Variants in PCNT observed in about 807,000 individuals in gnomAD.
PCNT encodes the protein pericentrin.
Under a neutral mutation model 380.4 loss-of-function variants are expected in PCNT, and 319 were observed. The observed-to-expected ratio is 0.84, with a 90% CI of 0.77 to 0.92. The LOEUF is 0.92. Among genes scored for constraint, PCNT ranks in the 40% least tolerant of loss-of-function variants. The probability of loss-of-function intolerance (pLI) is 0.00; values close to 1 mark genes in which losing one functional copy is unlikely to be tolerated. For synonymous variants in PCNT, 1,845 were observed against 1,735.2 expected (o/e 1.06, Z -1.57); for missense variants, 4,400 against 4,255.3 (o/e 1.03, Z -0.95).
At chr21:46,333,550 G>A (rs1258716563) in intron 2 of PCNT, among the ~76,000 whole-genome samples, 9 of 151,896 alleles carry the variant, frequency 5.9e-5, no homozygotes, top group Non-Finnish European at 1.3e-4. Context: ...AGGTTGCAGT[G>A]AGCCGAGGTC....
intron 39 of PCNT, among the ~76,000 whole-genome samples, 181 bp from the exon 40 acceptor site, chr21:46,436,798 C>T (rs1461456091): frequency 6.6e-6 from 1 of 152,180 alleles, no homozygotes; most frequent in Non-Finnish European, 1.5e-5. Flanking sequence ...CAGAAGCGTC[C>T]AGCCACAGGC....
At chr21:46,419,145 A>C (rs2087145740) in intron 31 of PCNT, among the ~76,000 whole-genome samples, 1 of 152,188 alleles carries the variant, frequency 6.6e-6, no homozygotes, top group African/African-American at 2.4e-5. Context: ...CTTTTTAAAA[A>C]ATCTGTTGGA....
intron 25 of PCNT, among the ~76,000 whole-genome samples, chr21:46,400,467 TCAGACA>T (rs534907820): frequency 1.6e-3 from 245 of 148,996 alleles, no homozygotes; most frequent in African/African-American, 5.7e-3. Flanking sequence ...TAGTTTGGCC[TCAGACA>T]CAGATGAGAG....
chr21:46,332,734 A>G (rs780512141), intron 2 of PCNT, among the ~76,000 whole-genome samples: 5 of 152,192 alleles, frequency 3.3e-5, no homozygotes, highest in Admixed American at 2.0e-4. Context: ...TGACTCATCT[A>G]ATGATCCCGA....
chr21:46,437,768 G>GC (rs1210960300), intron 40 of PCNT, among the ~76,000 whole-genome samples: 1 of 152,200 alleles, frequency 6.6e-6, no homozygotes, highest in Non-Finnish European at 1.5e-5. Flanking sequence ...GGTGCACCCT[G>GC]CCCCCTGTGT....
chr21:46,360,798 G>A (rs1245747193), intron 13 of PCNT, among the ~76,000 whole-genome samples: 2 of 152,122 alleles, frequency 1.3e-5, no homozygotes, highest in Non-Finnish European at 1.5e-5. Context: ...GATTACAGGC[G>A]TGAGCCACCA....
intron 17 of PCNT, 108 bp downstream of exon 17, chr21:46,386,091 T>G: frequency 1.5e-6 from 2 of 1,313,742 alleles, no homozygotes; most frequent in Non-Finnish European, 2.2e-6. Flanking sequence ...GCTGCCACCA[T>G]GCACGCTGGC....
At chr21:46,325,733 C>G (rs1030267167) in intron 1 of PCNT, among the ~76,000 whole-genome samples, 1 of 152,138 alleles carries the variant, frequency 6.6e-6, no homozygotes, top group Non-Finnish European at 1.5e-5. Flanking sequence ...AAGACGTTAG[C>G]GGGAGATGAG....
At chr21:46,333,159 C>CTT (rs2083610980) in intron 2 of PCNT, among the ~76,000 whole-genome samples, 1 of 151,882 alleles carries the variant, frequency 6.6e-6, no homozygotes, top group East Asian at 1.9e-4. Flanking sequence ...CATGGCCGGG[C>CTT]GCAGTGACTC....
At chr21:46,334,340 GAGGCTGC>G in intron 2 of PCNT, 50 bp from the exon 3 acceptor site, 1 of 1,612,704 alleles carries the variant, frequency 6.2e-7, no homozygotes, top group Non-Finnish European at 8.5e-7. Context: ...GGAAGGGCCT[GAGGCTGC>G]AGCCCTAGAC....
intron 11 of PCNT, among the ~76,000 whole-genome samples, chr21:46,354,429 G>A (rs894793881): frequency 1.3e-5 from 2 of 152,216 alleles, no homozygotes; most frequent in African/African-American, 2.4e-5. Flanking sequence ...GCTGGCTTTT[G>A]TGTTTCTTCC....
chr21:46,431,329 A>C (rs1222196266), intron 37 of PCNT, 200 bp from the exon 38 acceptor site: 1 of 1,435,196 alleles, frequency 7.0e-7, no homozygotes, highest in Non-Finnish European at 9.1e-7. Flanking sequence ...TTCCGAAAAA[A>C]GTATGTCATC....
chr21:46,337,674 C>G (rs1295874847), intron 3 of PCNT, among the ~76,000 whole-genome samples: 1 of 152,230 alleles, frequency 6.6e-6, no homozygotes, highest in Non-Finnish European at 1.5e-5. Flanking sequence ...TCTCCGCTTC[C>G]CGGATTCAAG....
intron 3 of PCNT, among the ~76,000 whole-genome samples, chr21:46,337,839 C>A (rs1465855366): frequency 1.3e-5 from 2 of 152,192 alleles, no homozygotes; most frequent in African/African-American, 4.8e-5. Flanking sequence ...CCACCTCGGC[C>A]TCCCAAAGTG....
rs1007498036 is a variant in PCNT at position 46,431,308 on chromosome 21, C to T, written c.8065-221C>T. The T allele has an allele frequency of 6.4e-6, 9 of 1,416,110 alleles. No individual in the cohort carries two copies. The African/African-American group carries it at 1.2e-4, about 18-fold the overall frequency. 87.7% of individuals were successfully genotyped at this position (1,416,110 alleles called of 1,614,324 possible). A position where few individuals can be genotyped will look rare whatever the true frequency, so the allele number is the denominator to read the frequency against. The stretch of plus-strand genomic sequence containing the variant: ...ACTGGGAACATCTCTGAACCCAGGA[C>T]TCAACACCATTTCCGAAAAAAGTAT... On this transcript the variant is annotated intron_variant, in intron 37 of 46. Transcript: ENST00000359568.
At chr21:46,443,119 G>A (rs2053654367) in intron 44 of PCNT, 1 of 169,186 alleles carries the variant, frequency 5.9e-6, no homozygotes, top group Non-Finnish European at 1.3e-5. Context: ...ACGCGGGGTG[G>A]GTGTGTGGCT....
chr21:46,399,641 T>C lies in PCNT; in HGVS notation c.4636T>C (p.Leu1546=), dbSNP rs2086354566. ...AGAAAAGTTGGATGAATTTAATGAA[T>C]TGGCTATACAGAAAGAGTCGGCAGA... ...LREKLDEFNE[L]AIQKESADRQ... The change falls in exon 25 of 47, where the codon TTG becomes CTG. Residue 1546 remains leucine, a synonymous_variant. Transcript: ENST00000359568. The C allele has an allele frequency of 6.2e-7, 1 of 1,613,926 alleles. No homozygotes were observed. Among genetic ancestry groups the C allele is most frequent in the East Asian group, 2.2e-5 (1 of 44,902 alleles).
intron 3 of PCNT, among the ~76,000 whole-genome samples, chr21:46,336,398 C>T (rs796787769): frequency 2.7e-4 from 41 of 152,280 alleles, no homozygotes; most frequent in African/African-American, 9.1e-4. Flanking sequence ...TTCTTGGGAC[C>T]GGGTCTCATT....
In PCNT at chr21:46,397,336, T is replaced by G; in HGVS notation, c.4288T>G (p.Ser1430Ala). The G allele has an allele frequency of 6.2e-7, 1 of 1,614,108 alleles. No individual in the cohort carries two copies. The change falls in exon 22 of 47, where the codon TCA becomes GCA. Residue 1430 changes from serine to alanine, a missense_variant. Coordinates refer to ENST00000359568, the MANE Select transcript of PCNT (RefSeq NM_006031.6). ...CAGGAAGCAGGCTGAGAAGGACCGCTCAGCCCTGCTCTCCCAGATGAAGAT... is the reference window on the plus strand; with the variant it reads ...CAGGAAGCAGGCTGAGAAGGACCGCGCAGCCCTGCTCTCCCAGATGAAGAT... ...ETRKQAEKDR[S>A]ALLSQMKILE...
Sources: gnomAD v4.1 joint callset for allele counts (sites outside exome capture counted in the v4.1 genomes callset) on GRCh38, gnomAD v4.1.1 for gene constraint, MANE v1.5 for transcripts, NCBI Gene and HGNC (gene_info 2026-07-23, HGNC 2026-07-21) for gene names.